RBFOX1: variants seen among roughly 807,000 people sequenced by gnomAD.
RBFOX1 encodes the protein RNA binding protein fox-1 homolog 1.
A neutral mutation model predicts 57.7 loss-of-function variants in RBFOX1; 8 were observed. The ratio of observed to expected loss-of-function variants is 0.14; its 90% confidence interval spans 0.08 to 0.25. The LOEUF (loss-of-function observed/expected upper bound fraction) is 0.25, where lower values mean the gene tolerates loss of function less well. Among genes scored for constraint, RBFOX1 ranks in the 10% least tolerant of loss-of-function variants. RBFOX1 has a pLI of 1.00. For missense variants in RBFOX1, 611 were observed against 548.5 expected (o/e 1.11, Z -1.14); for synonymous variants, 326 against 222.4 (o/e 1.47, Z -4.15).
chr16:7,442,151 C>T (rs979450614), intron 4 of RBFOX1, among the ~76,000 whole-genome samples: 13 of 152,218 alleles, frequency 8.5e-5, no homozygotes, highest in African/African-American at 1.4e-4. Flanking sequence ...GATGCATGAA[C>T]GGGACCCCAG....
intron 2 of RBFOX1, among the ~76,000 whole-genome samples, chr16:5,502,066 T>A (rs1428381303): frequency 6.6e-6 from 1 of 151,944 alleles, no homozygotes; most frequent in African/African-American, 2.4e-5. Flanking sequence ...TTATGATTAC[T>A]GAGGAGACAG....
intron 2 of RBFOX1, among the ~76,000 whole-genome samples, chr16:6,469,201 T>C (rs2095118724): frequency 6.6e-6 from 1 of 152,074 alleles, no homozygotes; most frequent in African/African-American, 2.4e-5. Context: ...AAAAAGAAAG[T>C]GCAGAGTAAA....
intron 4 of RBFOX1, among the ~76,000 whole-genome samples, chr16:7,427,332 A>G (rs761719886): frequency 6.6e-6 from 1 of 152,166 alleles, no homozygotes; most frequent in Non-Finnish European, 1.5e-5. Context: ...GGGCCAAGTA[A>G]TTTGCATTCT....
chr16:7,495,400 T>G (rs897197197), intron 4 of RBFOX1, among the ~76,000 whole-genome samples: 1 of 152,208 alleles, frequency 6.6e-6, no homozygotes, highest in African/African-American at 2.4e-5. Context: ...TCAAACAGCT[T>G]TCCACAGTGG....
chr16:7,312,378 C>G (rs775650940), intron 4 of RBFOX1, among the ~76,000 whole-genome samples: 7 of 152,202 alleles, frequency 4.6e-5, no homozygotes, highest in African/African-American at 1.7e-4. Flanking sequence ...GAAACTCTTT[C>G]TCAACAGCAG....
At chr16:7,053,318 G>T (rs1339772747) in intron 4 of RBFOX1, among the ~76,000 whole-genome samples, 3 of 152,140 alleles carry the variant, frequency 2.0e-5, no homozygotes. Flanking sequence ...AAGTACCTGT[G>T]CCGACATTCG....
At chr16:6,472,213 G>A (rs1303542316) in intron 2 of RBFOX1, among the ~76,000 whole-genome samples, 1 of 152,198 alleles carries the variant, frequency 6.6e-6, no homozygotes, top group Admixed American at 6.5e-5. Flanking sequence ...TCTGACCCAG[G>A]TCCCTGGACA....
rs114216659 is a variant in RBFOX1 at position 5,346,896 on chromosome 16, G to T, written c.219+106791G>T. On this transcript the variant is annotated intron_variant, in intron 1 of 2. Transcript: ENST00000585867. ...CTGGTGTGGGGCTTAAATAACTGACGTATATTCAGCATTCAGAATGGACCC... is the reference window on the plus strand; with the variant it reads ...CTGGTGTGGGGCTTAAATAACTGACTTATATTCAGCATTCAGAATGGACCC... Among the ~76,000 whole-genome samples, 1,018 of 152,232 alleles carry T rather than the reference G, an allele frequency of 6.7e-3. 5 individuals carry two copies. Among genetic ancestry groups the T allele is most frequent in the African/African-American group, 0.023 (972 of 41,524 alleles).
At chr16:7,517,067 C>G (rs1769685901) in intron 4 of RBFOX1, among the ~76,000 whole-genome samples, 1 of 151,804 alleles carries the variant, frequency 6.6e-6, no homozygotes, top group African/African-American at 2.4e-5. Context: ...CTCGCTCTGT[C>G]TTTCTGACTG....
chr16:6,552,140 A>C (rs2097002717), intron 2 of RBFOX1, among the ~76,000 whole-genome samples: 1 of 152,208 alleles, frequency 6.6e-6, no homozygotes, highest in African/African-American at 2.4e-5. Flanking sequence ...GTGTGTGGCT[A>C]AGCTATGCCC....
intron 4 of RBFOX1, among the ~76,000 whole-genome samples, chr16:7,503,073 G>A (rs565749029): frequency 3.3e-5 from 5 of 152,142 alleles, no homozygotes; most frequent in East Asian, 3.9e-4. Context: ...AGATTATGGC[G>A]TCCACTCCTT....
intron 2 of RBFOX1, among the ~76,000 whole-genome samples, chr16:6,341,347 C>A (rs1035151262): frequency 6.6e-6 from 1 of 152,098 alleles, no homozygotes; most frequent in African/African-American, 2.4e-5. Flanking sequence ...ACTGACTCTT[C>A]TTTTACCTCG....
intron 2 of RBFOX1, among the ~76,000 whole-genome samples, chr16:6,568,236 T>A (rs1297798293): frequency 6.6e-6 from 1 of 152,218 alleles, no homozygotes; most frequent in Non-Finnish European, 1.5e-5. Context: ...AGCTCTAGTT[T>A]CCTTGTGAGG....
intron 3 of RBFOX1, among the ~76,000 whole-genome samples, chr16:5,689,476 T>C (rs2050603258): frequency 1.3e-5 from 2 of 152,160 alleles, no homozygotes; most frequent in Admixed American, 6.5e-5. Context: ...CTCAAATTTC[T>C]GTGGAATCCT....
intron 11 of RBFOX1, among the ~76,000 whole-genome samples, chr16:7,644,350 G>A (rs1356617780): frequency 6.6e-6 from 1 of 152,180 alleles, no homozygotes; most frequent in African/African-American, 2.4e-5. Context: ...TCATGCAATT[G>A]AATTTTCTCC....
intron 3 of RBFOX1, among the ~76,000 whole-genome samples, chr16:6,699,988 C>G (rs995387653): frequency 6.6e-6 from 1 of 152,150 alleles, no homozygotes; most frequent in Non-Finnish European, 1.5e-5. Context: ...GATGAGCTAG[C>G]TGACATACAT....
At chr16:5,559,825 G>C (rs761937011) in intron 2 of RBFOX1, among the ~76,000 whole-genome samples, 1 of 152,094 alleles carries the variant, frequency 6.6e-6, no homozygotes, top group Non-Finnish European at 1.5e-5. Flanking sequence ...GATGTGCACG[G>C]ACTAGCCCCT....
At chr16:6,410,657 C>T (rs1455353553) in intron 2 of RBFOX1, among the ~76,000 whole-genome samples, 2 of 152,116 alleles carry the variant, frequency 1.3e-5, no homozygotes, top group Non-Finnish European at 1.5e-5. Context: ...CCAAGGCGTG[C>T]GGAAGCACAC....
chr16:6,925,551 C>T lies in RBFOX1; in HGVS notation c.-15-126506C>T, dbSNP rs891334584. 8.6e-5 allele frequency among the ~76,000 whole-genome samples: 13 copies of T among 151,610 alleles called. No individual in the cohort carries two copies. In the South Asian group the frequency reaches 2.7e-3, roughly 32 times the overall value. On this transcript the variant is annotated intron_variant, in intron 3 of 15. Transcript: ENST00000550418. ...GGCAGGGATTTTGATCTATTTTATT[C>T]ACTGACATAGCTCTAGCATTAAGAC...
Sources: gnomAD v4.1 joint callset for allele counts (sites outside exome capture counted in the v4.1 genomes callset) on GRCh38, gnomAD v4.1.1 for gene constraint, MANE v1.5 for transcripts, NCBI Gene and HGNC (gene_info 2026-07-23, HGNC 2026-07-21) for gene names.